The following CFAP20DC variants were observed in gnomAD, a reference collection of about 807,000 sequenced individuals.
The protein encoded by CFAP20DC is CFAP20 domain containing.
In CFAP20DC, 84 loss-of-function variants were observed where a neutral mutation model predicts 101.7. That is an observed-to-expected ratio of 0.83 (90% CI 0.69 to 0.99). The LOEUF is 0.99. Ranked by LOEUF, CFAP20DC falls within the 50% of genes least tolerant of loss-of-function variation. CFAP20DC has a pLI of 0.00. For synonymous variants in CFAP20DC, 359 were observed against 351.2 expected (o/e 1.02, Z -0.25); for missense variants, 1,007 against 970.3 (o/e 1.04, Z -0.50).
At chr3:58,808,942 C>T (rs1158278036) in intron 14 of CFAP20DC, among the ~76,000 whole-genome samples, 1 of 151,934 alleles carries the variant, frequency 6.6e-6, no homozygotes, top group Non-Finnish European at 1.5e-5. Context: ...AGACTTTAAA[C>T]CAACAAAGAT....
At position 59,014,223 on chromosome 3, in the gene CFAP20DC, A is replaced by T. The variant is rs915693839; in HGVS notation, c.278+25334T>A. Among the ~76,000 whole-genome samples, 5 of 152,184 alleles carry T rather than the reference A, an allele frequency of 3.3e-5. No homozygotes were observed. Among genetic ancestry groups the T allele is most frequent in the Admixed American group, 3.3e-4 (5 of 15,264 alleles). ...TGTTCACTGACCAGATCAATCACAT[A>T]ACAAAATGGGAAAAAAAGATCGACC... On this transcript the variant is annotated intron_variant, in intron 4 of 16. Coordinates refer to ENST00000482387, the MANE Select transcript of CFAP20DC (RefSeq NM_001394063.1). This position sits in a 1 kb window ranked among gnomAD's most constrained non-coding sequence, Gnocchi z 4.9.
chr3:59,047,237 T>G lies in CFAP20DC; in HGVS notation c.39A>C (p.Glu13Asp), dbSNP rs1560049214. 10 of 1,533,778 alleles carry G rather than the reference T, an allele frequency of 6.5e-6. No individual in the cohort carries two copies. In the East Asian group the frequency reaches 2.4e-4, roughly 38 times the overall value. ...GATTTTTTCCTTGAGCACTGAAAAT[T>G]TCAACAAATGCACCTCCCTAGAAAA... ...KNEYQGGAFV[E>D]IFSAQGKNPG... The change falls in exon 2 of 17, where the codon GAA (glutamate) becomes GAC (aspartate). Residue 13 changes from glutamate (E) to aspartate (D), a missense_variant. Transcript: ENST00000482387.
chr3:58,760,235 G>C (rs1368430921), intron 15 of CFAP20DC, among the ~76,000 whole-genome samples: 1 of 152,142 alleles, frequency 6.6e-6, no homozygotes, highest in Non-Finnish European at 1.5e-5. Context: ...AGTTCTCCTT[G>C]AAGAGGTCCT....
chr3:58,749,935 C>CCA (rs558493716), intron 16 of CFAP20DC, among the ~76,000 whole-genome samples: 32 of 152,282 alleles, frequency 2.1e-4, no homozygotes, highest in African/African-American at 7.7e-4. Flanking sequence ...GTTAAGGGCA[C>CCA]CATGTCCGAT....
intron 13 of CFAP20DC, among the ~76,000 whole-genome samples, chr3:58,835,466 G>A (rs1332015825): frequency 6.6e-6 from 1 of 152,206 alleles, no homozygotes; most frequent in Non-Finnish European, 1.5e-5. Flanking sequence ...GATATTCCCT[G>A]TATTCCACTG....
chr3:58,810,101 C>CA (rs1173753505), intron 14 of CFAP20DC, among the ~76,000 whole-genome samples: 1 of 152,180 alleles, frequency 6.6e-6, no homozygotes, highest in Non-Finnish European at 1.5e-5. Flanking sequence ...CAGATGGACT[C>CA]ACAGCCGAAT....
At chr3:58,911,303 C>T (rs903280280) in intron 6 of CFAP20DC, among the ~76,000 whole-genome samples, 2 of 152,108 alleles carry the variant, frequency 1.3e-5, no homozygotes, top group Non-Finnish European at 2.9e-5. Context: ...TTATGTGCCA[C>T]AACATAAATG....
chr3:58,780,349 A>G (rs2071710726), intron 15 of CFAP20DC, among the ~76,000 whole-genome samples: 1 of 152,134 alleles, frequency 6.6e-6, no homozygotes, highest in Non-Finnish European at 1.5e-5. Flanking sequence ...CCAAGCCACA[A>G]TGGTAAATAG....
intron 5 of CFAP20DC, among the ~76,000 whole-genome samples, chr3:58,932,034 A>G (rs1470515198): frequency 2.6e-5 from 4 of 152,230 alleles, no homozygotes; most frequent in African/African-American, 9.6e-5. Flanking sequence ...AAAAAAATTT[A>G]GACGAATGTA....
At chr3:58,801,965 A>G (rs1215618853) in intron 15 of CFAP20DC, among the ~76,000 whole-genome samples, 2 of 152,214 alleles carry the variant, frequency 1.3e-5, no homozygotes, top group African/African-American at 4.8e-5. Context: ...TGTATATTAT[A>G]TATTTCCATG....
intron 14 of CFAP20DC, among the ~76,000 whole-genome samples, chr3:58,824,114 A>G (rs370666861): frequency 6.6e-6 from 1 of 152,256 alleles, no homozygotes; most frequent in East Asian, 1.9e-4. Flanking sequence ...CTATAGTTGT[A>G]TAAGAACATC....
intron 3 of CFAP20DC, among the ~76,000 whole-genome samples, chr3:59,045,213 A>G (rs182282974): frequency 9.9e-5 from 15 of 152,168 alleles, no homozygotes; most frequent in Admixed American, 7.2e-4. Flanking sequence ...TAAAATATGC[A>G]TGTAGTAGCT....
At chr3:58,838,443 T>G (rs2076886159) in intron 13 of CFAP20DC, among the ~76,000 whole-genome samples, 1 of 152,206 alleles carries the variant, frequency 6.6e-6, no homozygotes, top group Non-Finnish European at 1.5e-5. Context: ...CTTCATTAAC[T>G]ATGCACACCA....
intron 15 of CFAP20DC, among the ~76,000 whole-genome samples, chr3:58,804,279 C>T (rs1216940190): frequency 2.0e-5 from 3 of 151,972 alleles, no homozygotes; most frequent in East Asian, 1.9e-4. Context: ...GAATTAGGTC[C>T]CCTTTCTCCT....
intron 14 of CFAP20DC, among the ~76,000 whole-genome samples, chr3:58,817,556 T>C (rs1332549359): frequency 1.4e-5 from 2 of 142,992 alleles, no homozygotes; most frequent in African/African-American, 5.3e-5. Flanking sequence ...GAAGATGAAA[T>C]GAATGAAATG....
intron 11 of CFAP20DC, among the ~76,000 whole-genome samples, chr3:58,865,306 A>G (rs2079590234): frequency 6.6e-6 from 1 of 152,236 alleles, no homozygotes; most frequent in African/African-American, 2.4e-5. Context: ...TTTAATAAAA[A>G]TAACTTTGAT....
rs946369587 is a variant in CFAP20DC at position 58,724,050 on chromosome 3, C to A, written c.198-6422G>T. Among the ~76,000 whole-genome samples the A allele has an allele frequency of 6.6e-6, 1 of 152,196 alleles. No homozygotes were observed. The highest frequency in any genetic ancestry group is 1.5e-5 in the Non-Finnish European group (1 of 68,036). On this transcript the variant is annotated intron_variant, in intron 3 of 3. Transcript: ENST00000486145. The surrounding 1 kb of genome is among the most constrained non-coding windows in gnomAD (Gnocchi z 5.6). ...GGAAGTAACATAGATACAAATCCTT[C>A]ATTCCAGGATGCTGAGGTTTAATCC...
chr3:58,977,007 T>C (rs2092307380), intron 4 of CFAP20DC, among the ~76,000 whole-genome samples: 1 of 152,238 alleles, frequency 6.6e-6, no homozygotes, highest in African/African-American at 2.4e-5. Flanking sequence ...TTTATTTCAA[T>C]ATTAGAAGTG....
Position 58,967,926 on chromosome 3 carries a change from T to C in CFAP20DC, c.279-30164A>G, listed in dbSNP as rs572516681. On this transcript the variant is annotated intron_variant, in intron 4 of 16. Coordinates refer to ENST00000482387, the MANE Select transcript of CFAP20DC (RefSeq NM_001394063.1). ...CTTCTTTGTGTTCATAAGGTCTCAT[T>C]ATTTAGCTCCCACTTATAAGTGAGA... Among the ~76,000 whole-genome samples the C allele has an allele frequency of 4.6e-5, 7 of 152,322 alleles. No homozygotes were observed. In the South Asian group the frequency reaches 6.2e-4, roughly 14 times the overall value.
Sources: gnomAD v4.1 joint callset for allele counts (sites outside exome capture counted in the v4.1 genomes callset) on GRCh38, gnomAD v4.1.1 for gene constraint, Gnocchi (gnomAD v3.1) non-coding constraint, MANE v1.5 for transcripts, NCBI Gene and HGNC (gene_info 2026-07-23, HGNC 2026-07-21) for gene names.